Variants in PPP2R3A observed in about 807,000 individuals in gnomAD.
PPP2R3A encodes the protein protein phosphatase 2 regulatory subunit B''alpha.
PPP2R3A carries 80 observed loss-of-function variants against 106.9 expected under a neutral mutation model. The observed-to-expected ratio is 0.75, with a 90% CI of 0.62 to 0.90. PPP2R3A has a LOEUF of 0.90. Among genes scored for constraint, PPP2R3A ranks in the 40% least tolerant of loss-of-function variants. The probability of loss-of-function intolerance (pLI) is 0.00; values close to 1 mark genes in which losing one functional copy is unlikely to be tolerated. For missense variants in PPP2R3A, 1,386 were observed against 1,350.4 expected, an observed-to-expected ratio of 1.03 and a Z score of -0.41; for synonymous variants, 483 against 468.3, an observed-to-expected ratio of 1.03 and a Z score of -0.41.
chr3:136,039,032 T>C (rs949821627), intron 3 of PPP2R3A, among the ~76,000 whole-genome samples: 1 of 152,174 alleles, frequency 6.6e-6, no homozygotes, highest in Non-Finnish European at 1.5e-5. Context: ...CTCCCTTGGC[T>C]TGAATCTTGC....
At chr3:136,090,759 T>A (rs1050131218) in intron 10 of PPP2R3A, 92 bp downstream of exon 10, 1 of 944,276 alleles carries the variant, frequency 1.1e-6, no homozygotes, top group South Asian at 1.5e-5. Context: ...TGAGGCCAAC[T>A]CAACGTGGCA....
In PPP2R3A at chr3:136,055,311, A is replaced by G. The variant is rs1463350126; in HGVS notation, c.2469+5950A>G. The G allele has an allele frequency of 3.7e-5, 33 of 902,818 alleles. No individual in the cohort carries two copies. In the East Asian group the frequency reaches 7.5e-4, roughly 21 times the overall value. 55.9% of individuals were successfully genotyped at this position (902,818 alleles called of 1,614,324 possible). A position where few individuals can be genotyped will look rare whatever the true frequency, so the allele number is the denominator to read the frequency against. On this transcript the variant is annotated intron_variant, in intron 5 of 13. Transcript: ENST00000264977. ...TCTGTTGTGTTGGTGAAAGGAATCA[A>G]CATCTTTACATTGCTCAATTTTTTG...
At chr3:136,085,048 G>C (rs756935457) in intron 8 of PPP2R3A, among the ~76,000 whole-genome samples, 2 of 152,156 alleles carry the variant, frequency 1.3e-5, no homozygotes, top group Non-Finnish European at 2.9e-5. Context: ...GGACTGTTGC[G>C]AAGGCATGAT....
At chr3:136,128,425 C>T (rs1938270018) in intron 13 of PPP2R3A, among the ~76,000 whole-genome samples, 3 of 151,520 alleles carry the variant, frequency 2.0e-5, no homozygotes, top group Admixed American at 2.0e-4. Context: ...ACAAAGAAGG[C>T]CATTACATAA....
intron 3 of PPP2R3A, among the ~76,000 whole-genome samples, chr3:136,029,045 G>T (rs1449800683): frequency 6.6e-6 from 1 of 152,084 alleles, no homozygotes; most frequent in Non-Finnish European, 1.5e-5. Context: ...TAGAGATGGG[G>T]TTTCTCCATG....
rs112980523 is a variant in PPP2R3A, at chr3:136,060,227, A to C, written c.2470-10251A>C. ...CTGTTATTTGCAGCAACATGGATGA[A>C]TTTGGATGACATTATGTTAAGTGAA... On this transcript the variant is annotated intron_variant, in intron 5 of 13. Transcript: ENST00000264977. Among the ~76,000 whole-genome samples, 26 of 152,360 alleles carry C rather than the reference A, an allele frequency of 1.7e-4. 1 individual carries two copies. Among genetic ancestry groups the C allele is most frequent in the African/African-American group, 6.0e-4 (25 of 41,588 alleles).
chr3:136,025,104 G>A (rs1229771702), intron 2 of PPP2R3A, among the ~76,000 whole-genome samples: 2 of 152,098 alleles, frequency 1.3e-5, no homozygotes, highest in Non-Finnish European at 2.9e-5. Flanking sequence ...CTTTGGTCTT[G>A]TCATTCATCT....
intron 6 of PPP2R3A, among the ~76,000 whole-genome samples, chr3:136,071,654 C>T (rs1228149769): frequency 3.3e-5 from 5 of 152,180 alleles, no homozygotes; most frequent in African/African-American, 1.2e-4. Flanking sequence ...AAAAAATCAG[C>T]CAGATCATGT....
At chr3:136,025,773 AC>A (rs1259891376) in intron 2 of PPP2R3A, among the ~76,000 whole-genome samples, 1 of 152,158 alleles carries the variant, frequency 6.6e-6, no homozygotes, top group African/African-American at 2.4e-5. Context: ...TAGCTAGTCA[AC>A]AGTTGTGTTC....
intron 2 of PPP2R3A, among the ~76,000 whole-genome samples, chr3:136,010,423 T>TTTTC (rs1247812207): frequency 8.0e-6 from 1 of 125,074 alleles, no homozygotes; most frequent in African/African-American, 3.2e-5. Flanking sequence ...GCTAATTTTT[T>TTTTC]TTTTTTTTTT....
intron 13 of PPP2R3A, among the ~76,000 whole-genome samples, chr3:136,136,656 C>T (rs1404213383): frequency 1.3e-5 from 2 of 152,184 alleles, no homozygotes; most frequent in Non-Finnish European, 2.9e-5. Context: ...AGGAGGTCCT[C>T]AGCAAATGTT....
chr3:135,976,806 A>G (rs201010644), intron 1 of PPP2R3A, among the ~76,000 whole-genome samples: 15 of 152,226 alleles, frequency 9.9e-5, no homozygotes, highest in African/African-American at 2.2e-4. Flanking sequence ...TTTTAATACT[A>G]TTTTTAAAAT....
intron 13 of PPP2R3A, among the ~76,000 whole-genome samples, chr3:136,133,925 C>T (rs867981427): frequency 2.7e-5 from 4 of 147,020 alleles, no homozygotes; most frequent in African/African-American, 7.5e-5. Context: ...TACTAAAATG[C>T]ACTGAACACT....
rs1308791527 is a variant in PPP2R3A at position 136,001,708 on chromosome 3, T to C, written c.210T>C (p.Ser70=). The C allele has an allele frequency of 1.2e-6, 2 of 1,614,118 alleles. No homozygotes were observed. Among genetic ancestry groups the C allele is most frequent in the East Asian group, 2.2e-5 (1 of 44,886 alleles). The change falls in exon 2 of 14, where the codon TCT becomes TCC. Residue 70 remains serine, a synonymous_variant. Coordinates refer to ENST00000264977, the MANE Select transcript of PPP2R3A (RefSeq NM_002718.5). The stretch of plus-strand genomic sequence containing the variant: ...AGTTCAAAGATGCAGATCTGAACTC[T>C]ATGTTTCTACCCCATGAAAATGGGC... ...VSQFKDADLN[S]MFLPHENGLS...
At chr3:136,118,462 G>C in intron 13 of PPP2R3A, among the ~76,000 whole-genome samples, 1 of 152,202 alleles carries the variant, frequency 6.6e-6, no homozygotes, top group South Asian at 2.1e-4. Context: ...TGACATGATT[G>C]TATATTTAGA....
intron 5 of PPP2R3A, among the ~76,000 whole-genome samples, chr3:136,052,001 T>TA (rs1211132382): frequency 6.6e-6 from 1 of 151,940 alleles, no homozygotes; most frequent in African/African-American, 2.4e-5. Flanking sequence ...TTTGTTCCCC[T>TA]AAAAAAAATA....
chr3:136,021,616 G>A (rs994273740), intron 2 of PPP2R3A, among the ~76,000 whole-genome samples: 5 of 151,898 alleles, frequency 3.3e-5, no homozygotes, highest in African/African-American at 1.2e-4. Flanking sequence ...CTATTTTTTT[G>A]TTTTAATAAT....
At chr3:135,976,167 T>TAGA (rs1352278897) in intron 1 of PPP2R3A, among the ~76,000 whole-genome samples, 25 of 151,846 alleles carry the variant, frequency 1.6e-4, no homozygotes, top group Non-Finnish European at 3.1e-4. Flanking sequence ...GTTGCCCATG[T>TAGA]AGAACACTTG....
At chr3:136,075,523 A>C (rs1389423013) in intron 6 of PPP2R3A, among the ~76,000 whole-genome samples, 1 of 152,236 alleles carries the variant, frequency 6.6e-6, no homozygotes, top group African/African-American at 2.4e-5. Flanking sequence ...AAAATGGAAT[A>C]CAAATACATT....
Sources: gnomAD v4.1 joint callset for allele counts (sites outside exome capture counted in the v4.1 genomes callset) on GRCh38, gnomAD v4.1.1 for gene constraint, MANE v1.5 for transcripts, NCBI Gene and HGNC (gene_info 2026-07-23, HGNC 2026-07-21) for gene names.